PLEKHH2: variants seen among roughly 807,000 people sequenced by gnomAD.
PLEKHH2 encodes the protein pleckstrin homology domain-containing family H member 2.
Under a neutral mutation model 187.9 loss-of-function variants are expected in PLEKHH2, and 129 were observed. The observed-to-expected ratio is 0.69, with a 90% confidence interval of 0.59 to 0.79. The LOEUF is 0.79. Among genes scored for constraint, PLEKHH2 ranks in the 30% least tolerant of loss-of-function variants. PLEKHH2 has a pLI of 0.00. For synonymous variants in PLEKHH2, 686 were observed against 605.6 expected, an observed-to-expected ratio of 1.13 and a Z score of -1.95; for missense variants, 2,076 against 1,751.2, an observed-to-expected ratio of 1.19 and a Z score of -3.31.
chr2:43,657,369 C>G (rs988086623), intron 2 of PLEKHH2, among the ~76,000 whole-genome samples: 1 of 152,166 alleles, frequency 6.6e-6, no homozygotes, highest in East Asian at 1.9e-4. Flanking sequence ...GATGCCTCAG[C>G]TGGGAGTGGT....
intron 3 of PLEKHH2, among the ~76,000 whole-genome samples, chr2:43,682,029 A>G (rs1300796915): frequency 6.6e-6 from 1 of 152,142 alleles, no homozygotes; most frequent in Non-Finnish European, 1.5e-5. Context: ...TAGTCAAGTC[A>G]TGCCTCATCT....
chr2:43,675,061 A>G (rs1187734250), intron 2 of PLEKHH2: 1 of 205,704 alleles, frequency 4.9e-6, no homozygotes, highest in African/African-American at 2.3e-5. Context: ...AATGTTCTAC[A>G]CCTTTATTAT....
chr2:43,697,086 G>C (rs770414299), intron 6 of PLEKHH2, 85 bp from the exon 7 acceptor site: 8 of 1,158,658 alleles, frequency 6.9e-6, no homozygotes, highest in Non-Finnish European at 9.5e-6. Flanking sequence ...AGAGTGATTT[G>C]TTCAAGTTTT....
chr2:43,691,776 G>T (rs965999881), intron 3 of PLEKHH2, among the ~76,000 whole-genome samples: 35 of 152,258 alleles, frequency 2.3e-4, no homozygotes, highest in African/African-American at 7.2e-4. Context: ...GCCTGCCTCG[G>T]CCTCCCAAAG....
chr2:43,643,296 AAT>A (rs1423579735), intron 1 of PLEKHH2, among the ~76,000 whole-genome samples: 1 of 152,146 alleles, frequency 6.6e-6, no homozygotes, highest in African/African-American at 2.4e-5. Context: ...GCTCTACAGT[AAT>A]ATGTTTCCTT....
chr2:43,708,432 T>A (rs1287422399), intron 11 of PLEKHH2, among the ~76,000 whole-genome samples: 1 of 152,192 alleles, frequency 6.6e-6, no homozygotes, highest in African/African-American at 2.4e-5. Flanking sequence ...CTCCAGCTGG[T>A]ATTCTTCCCC....
chr2:43,741,851 A>G (rs1324032872), intron 21 of PLEKHH2, among the ~76,000 whole-genome samples: 2 of 152,198 alleles, frequency 1.3e-5, no homozygotes, highest in Non-Finnish European at 2.9e-5. Context: ...AATAAGCAGT[A>G]AAATTTATGT....
chr2:43,637,644 C>G (rs762112209), intron 1 of PLEKHH2, among the ~76,000 whole-genome samples: 1 of 152,104 alleles, frequency 6.6e-6, no homozygotes, highest in Non-Finnish European at 1.5e-5. Context: ...CCCTCGCGCC[C>G]GTGGGCTCCC....
chr2:43,676,243 CCAAA>C (rs1231023259), intron 2 of PLEKHH2: 7 of 1,613,872 alleles, frequency 4.3e-6, no homozygotes, highest in East Asian at 2.2e-5. Flanking sequence ...GTGAATTTGG[CCAAA>C]CATAGTTATC....
In PLEKHH2 at chr2:43,709,891, T is replaced by C. The variant is rs534077699; in HGVS notation, c.1967-99T>C. On this transcript the variant is annotated intron_variant, in intron 11 of 29. Coordinates refer to ENST00000282406, the MANE Select transcript of PLEKHH2 (RefSeq NM_172069.4). ...AATAAATCTAGTCTAGGGAGGCTTA[T>C]GATTTAGGAATAATTGCATTCTGTA... The C allele has an allele frequency of 4.1e-5, 49 of 1,209,672 alleles. No homozygotes were observed. In the Middle Eastern group the frequency reaches 8.6e-4, roughly 21 times the overall value. The allele number at this position is 1,209,672 out of a possible 1,614,324, so 74.9% of individuals were successfully genotyped here.
rs964761853 is a variant in PLEKHH2 at position 43,766,300 on chromosome 2, C to G, written c.*702C>G. ...GACATTCCTTGGCTGTCAGTGCTGCCCAGATTCAGAAGAATATTGCCCACA... is the reference window on the plus strand; with the variant it reads ...GACATTCCTTGGCTGTCAGTGCTGCGCAGATTCAGAAGAATATTGCCCACA... On this transcript the variant is annotated 3_prime_UTR_variant, in exon 30 of 30. Coordinates refer to ENST00000282406, the MANE Select transcript of PLEKHH2 (RefSeq NM_172069.4). 4 of 152,660 alleles carry G rather than the reference C, an allele frequency of 2.6e-5. No homozygotes were observed. The highest frequency in any genetic ancestry group is 2.0e-4 in the Admixed American group (3 of 15,262). The allele number at this position is 152,660 out of a possible 1,614,324, so 9.5% of individuals were successfully genotyped here. A position where few individuals can be genotyped will look rare whatever the true frequency, so the allele number is the denominator to read the frequency against.
chr2:43,746,750 C>T (rs6733851), intron 24 of PLEKHH2, among the ~76,000 whole-genome samples: 30,780 of 151,878 alleles, frequency 0.2, 3,366 homozygotes, highest in Admixed American at 0.3. Flanking sequence ...GCAGGTGGAT[C>T]ACGAGGTCAG....
chr2:43,715,682 C>T (rs1431293532), intron 15 of PLEKHH2, among the ~76,000 whole-genome samples: 1 of 151,988 alleles, frequency 6.6e-6, no homozygotes, highest in Non-Finnish European at 1.5e-5. Context: ...ATAAAGATGC[C>T]TGGTAGAAAG....
intron 2 of PLEKHH2, among the ~76,000 whole-genome samples, chr2:43,676,590 G>C (rs1667809339): frequency 6.6e-6 from 1 of 152,060 alleles, no homozygotes; most frequent in Non-Finnish European, 1.5e-5. Flanking sequence ...AAAATGAGCA[G>C]AGATGAGTCA....
At chr2:43,762,808 A>G (rs1672479545) in intron 28 of PLEKHH2, among the ~76,000 whole-genome samples, 1 of 152,248 alleles carries the variant, frequency 6.6e-6, no homozygotes, top group Admixed American at 6.5e-5. Context: ...AATGTCATTT[A>G]TATAGCATCT....
intron 15 of PLEKHH2, among the ~76,000 whole-genome samples, chr2:43,719,381 T>TGAATGAATG (rs545542241): frequency 1.3e-3 from 199 of 152,356 alleles, no homozygotes; most frequent in African/African-American, 4.5e-3. Context: ...CAAATGTTTT[T>TGAATGAATG]GAATGAATGA....
intron 26 of PLEKHH2, among the ~76,000 whole-genome samples, chr2:43,758,245 T>A (rs1672292575): frequency 1.3e-5 from 2 of 152,172 alleles, no homozygotes; most frequent in Admixed American, 1.3e-4. Context: ...ATCTTTGGGC[T>A]CTACTACTTG....
At chr2:43,681,591 C>G in intron 3 of PLEKHH2, 1 of 834,400 alleles carries the variant, frequency 1.2e-6, no homozygotes, top group Non-Finnish European at 2.0e-6. Context: ...ATGACTAGTG[C>G]CTCTTTTTGG....
intron 2 of PLEKHH2, among the ~76,000 whole-genome samples, chr2:43,659,322 C>T (rs184875345): frequency 5.9e-5 from 9 of 151,710 alleles, no homozygotes; most frequent in East Asian, 5.8e-4. Context: ...TTTATTTTCT[C>T]GCCTGGTCGT....
Sources: gnomAD v4.1 joint callset for allele counts (sites outside exome capture counted in the v4.1 genomes callset) on GRCh38, gnomAD v4.1.1 for gene constraint, MANE v1.5 for transcripts, NCBI Gene and HGNC (gene_info 2026-07-23, HGNC 2026-07-21) for gene names.